The following ZNF385D variants were observed in gnomAD, a reference collection of about 807,000 sequenced individuals.
ZNF385D encodes zinc finger protein 659.
Under a neutral mutation model 35.8 loss-of-function variants are expected in ZNF385D, and 15 were observed. The ratio of observed to expected loss-of-function variants is 0.42; its 90% CI spans 0.28 to 0.64. The LOEUF (loss-of-function observed/expected upper bound fraction) is 0.64. Among genes scored for constraint, ZNF385D ranks in the 30% least tolerant of loss-of-function variants. The pLI, the probability that ZNF385D is intolerant of heterozygous loss-of-function variation, is 0.23. For missense variants in ZNF385D, 474 were observed against 494.6 expected, an observed-to-expected ratio of 0.96 and a Z score of 0.39; for synonymous variants, 212 against 186.8, an observed-to-expected ratio of 1.13 and a Z score of -1.10.
chr3:22,243,523 C>T (rs985560742), intron 2 of ZNF385D, among the ~76,000 whole-genome samples: 2 of 150,858 alleles, frequency 1.3e-5, no homozygotes, highest in South Asian at 2.2e-4. Flanking sequence ...GAATAAGATG[C>T]TAAATACTGT....
chr3:22,063,019 T>G (rs1300616160), intron 3 of ZNF385D, among the ~76,000 whole-genome samples: 1 of 152,108 alleles, frequency 6.6e-6, no homozygotes, highest in Non-Finnish European at 1.5e-5. Context: ...CTCACAGAAA[T>G]TACACGGGAT....
rs193085401 is a variant in ZNF385D, at chr3:21,679,120, T to C, written c.23-14092A>G. Among the ~76,000 whole-genome samples the C allele has an allele frequency of 1.3e-4, 20 of 151,034 alleles. 1 individual carries two copies. Among genetic ancestry groups the C allele is most frequent in the African/African-American group, 4.9e-4 (20 of 41,214 alleles). On this transcript the variant is annotated intron_variant, in intron 1 of 7. Coordinates refer to ENST00000281523, the MANE Select transcript of ZNF385D (RefSeq NM_024697.3). ...TTGTCATCAGAAACCTGCATCCAAATTCCAGTGTTTTCATGTCCAAAGGAA... is the reference window on the plus strand; with the variant it reads ...TTGTCATCAGAAACCTGCATCCAAACTCCAGTGTTTTCATGTCCAAAGGAA...
chr3:21,736,895 G>T (rs1194619715), intron 1 of ZNF385D, among the ~76,000 whole-genome samples: 1 of 152,106 alleles, frequency 6.6e-6, no homozygotes, highest in African/African-American at 2.4e-5. Flanking sequence ...GGGCATTTTG[G>T]CAATAAGCGT....
chr3:21,487,399 T>C (rs1203000756), intron 4 of ZNF385D, among the ~76,000 whole-genome samples: 1 of 152,008 alleles, frequency 6.6e-6, no homozygotes, highest in Non-Finnish European at 1.5e-5. Flanking sequence ...GGCTCAAACA[T>C]GTAGGGGAAT....
chr3:22,151,446 T>C (rs1705227195), intron 3 of ZNF385D, among the ~76,000 whole-genome samples: 1 of 152,072 alleles, frequency 6.6e-6, no homozygotes, highest in African/African-American at 2.4e-5. Flanking sequence ...TGAATAGAGA[T>C]TGCAATTCCT....
intron 3 of ZNF385D, among the ~76,000 whole-genome samples, chr3:22,080,465 G>C (rs1031066974): frequency 3.3e-5 from 5 of 151,972 alleles, no homozygotes; most frequent in Non-Finnish European, 7.4e-5. Flanking sequence ...CATAAGCTTT[G>C]AAGGAAACTA....
intron 3 of ZNF385D, among the ~76,000 whole-genome samples, chr3:21,817,466 A>T (rs143558038): frequency 0.078 from 11,900 of 152,172 alleles, 627 homozygotes; most frequent in South Asian, 0.13. Context: ...GAATCTACAA[A>T]GAAGTTAAAC....
At position 21,502,968 on chromosome 3, in the gene ZNF385D, A is replaced by G. The variant is rs1383649384; in HGVS notation, c.439+7893T>C. On this transcript the variant is annotated intron_variant, in intron 4 of 7. Transcript: ENST00000281523. ...TTCCAGTGATGCTTTGTTAGGGAGAATGGGTAGGAAAAGAAAGACCCCAGG... is the reference window on the plus strand; with the variant it reads ...TTCCAGTGATGCTTTGTTAGGGAGAGTGGGTAGGAAAAGAAAGACCCCAGG... Among the ~76,000 whole-genome samples, 3 of 152,198 alleles carry G rather than the reference A, an allele frequency of 2.0e-5. No homozygotes were observed. The East Asian group carries it at 5.8e-4, about 29-fold the overall frequency.
At chr3:22,104,152 G>A (rs1439264507) in intron 3 of ZNF385D, among the ~76,000 whole-genome samples, 1 of 151,968 alleles carries the variant, frequency 6.6e-6, no homozygotes, top group Non-Finnish European at 1.5e-5. Context: ...AGCTCTGAGG[G>A]AAAATGCATT....
intron 2 of ZNF385D, among the ~76,000 whole-genome samples, chr3:22,333,099 CCTTTT>C (rs1347475686): frequency 6.6e-6 from 1 of 152,066 alleles, no homozygotes; most frequent in Admixed American, 6.6e-5. Context: ...GCTTGGCAGT[CCTTTT>C]CTTTACAACA....
At chr3:22,098,461 AAC>A (rs1178937414) in intron 3 of ZNF385D, among the ~76,000 whole-genome samples, 1 of 152,134 alleles carries the variant, frequency 6.6e-6, no homozygotes, top group African/African-American at 2.4e-5. Flanking sequence ...ATTGGAAGAA[AAC>A]ACATTAAATT....
intron 3 of ZNF385D, among the ~76,000 whole-genome samples, chr3:22,087,087 A>G (rs548960136): frequency 1.3e-5 from 2 of 152,310 alleles, no homozygotes; most frequent in South Asian, 2.1e-4. Context: ...TAAAAAGAAA[A>G]AAAGAATTTT....
At chr3:22,372,571 G>T (rs777062289) in exon 2 of ZNF385D, 79 of 982,322 alleles carry the variant, frequency 8.0e-5, no homozygotes, top group Admixed American at 6.1e-4. Context: ...AGGAGCAGCC[G>T]CCGGGGCTGG....
At chr3:22,372,325 C>T (rs1696948068) in intron 2 of ZNF385D, 2 of 482,126 alleles carry the variant, frequency 4.1e-6, no homozygotes. Flanking sequence ...CCATTCCGCG[C>T]CCCCCATGCG....
intron 2 of ZNF385D, among the ~76,000 whole-genome samples, chr3:21,588,551 A>AT (rs1272289560): frequency 2.6e-5 from 4 of 152,152 alleles, no homozygotes; most frequent in Non-Finnish European, 5.9e-5. Flanking sequence ...TACAATATAT[A>AT]TAAAGACATT....
chr3:21,663,890 A>AATATATATATATATATATATATATATAT lies in ZNF385D; in HGVS notation c.165+968_165+995dup, dbSNP rs66691637. On this transcript the variant is annotated intron_variant, in intron 2 of 7. Coordinates refer to ENST00000281523, the MANE Select transcript of ZNF385D (RefSeq NM_024697.3). ...TGAAGAATTATTTAATTGTGGGCCG[A>AATATATATATATATATATATATATATAT]ATATATATATATATATATATATATA... 4.5e-3 allele frequency among the ~76,000 whole-genome samples: 286 copies of AATATATATATATATATATATATATATAT among 64,244 alleles called. 8 individuals are homozygous for AATATATATATATATATATATATATATAT. Among genetic ancestry groups the AATATATATATATATATATATATATATAT allele is most frequent in the Middle Eastern group, 9.3e-3 (1 of 108 alleles). 42.1% of individuals were successfully genotyped at this position (64,244 alleles called of 152,430 possible).
chr3:21,886,450 C>T (rs1471944014), intron 3 of ZNF385D, among the ~76,000 whole-genome samples: 1 of 152,008 alleles, frequency 6.6e-6, no homozygotes, highest in East Asian at 1.9e-4. Context: ...GACATCCTTT[C>T]ACCTCCCGTC....
intron 3 of ZNF385D, among the ~76,000 whole-genome samples, chr3:21,521,789 T>C (rs1433983139): frequency 6.6e-6 from 1 of 152,028 alleles, no homozygotes; most frequent in Non-Finnish European, 1.5e-5. Flanking sequence ...AAAAATACCA[T>C]AGGCAAAGTA....
intron 1 of ZNF385D, among the ~76,000 whole-genome samples, chr3:21,723,521 A>C: frequency 6.6e-6 from 1 of 152,218 alleles, no homozygotes; most frequent in East Asian, 1.9e-4. Context: ...AATATCAAAT[A>C]GCCGAATTTA....
Sources: allele counts gnomAD v4.1 joint callset (sites outside exome capture counted in the v4.1 genomes callset), GRCh38; gene constraint gnomAD v4.1.1; transcripts MANE v1.5; gene names NCBI Gene and HGNC (gene_info 2026-07-23, HGNC 2026-07-21).